ELMO1: variants seen among roughly 807,000 people sequenced by gnomAD.
ELMO1 encodes engulfment and cell motility 1.
ELMO1 carries 26 observed loss-of-function variants against 98.9 expected under a neutral mutation model. The ratio of observed to expected loss-of-function variants is 0.26; its 90% CI spans 0.19 to 0.36. The LOEUF (loss-of-function observed/expected upper bound fraction) is 0.36. Ranked by LOEUF, ELMO1 falls within the 10% of genes least tolerant of loss-of-function variation. The pLI, the probability that ELMO1 is intolerant of heterozygous loss-of-function variation, is 1.00. For synonymous variants in ELMO1, 346 were observed against 346.0 expected (o/e 1.00, Z 0.00); for missense variants, 627 against 935.2 (o/e 0.67, Z 4.30).
intron 6 of ELMO1, among the ~76,000 whole-genome samples, chr7:37,249,595 C>T (rs1795225845): frequency 6.6e-6 from 1 of 152,106 alleles, no homozygotes; most frequent in East Asian, 1.9e-4. Flanking sequence ...CGAGTATTGA[C>T]CAAGGTATTG....
At position 36,854,281 on chromosome 7, in the gene ELMO1, T is replaced by A. The variant is rs1054304133; in HGVS notation, c.*1270A>T. Reference sequence around the variant, plus strand: ...CTAGGGTGGAGCTGAAGAGCTGGCATCTCCAACAAGCTCCCAGGTGATGCT... The same window carrying A: ...CTAGGGTGGAGCTGAAGAGCTGGCAACTCCAACAAGCTCCCAGGTGATGCT... On this transcript the variant is annotated 3_prime_UTR_variant, in exon 22 of 22. Coordinates refer to ENST00000310758, the MANE Select transcript of ELMO1 (RefSeq NM_014800.11). 2 of 152,146 alleles carry A rather than the reference T, an allele frequency of 1.3e-5. No individual in the cohort carries two copies. The highest frequency in any genetic ancestry group is 2.9e-5 in the Non-Finnish European group (2 of 68,036). The allele number at this position is 152,146 out of a possible 1,614,324, so 9.4% of individuals were successfully genotyped here.
chr7:37,377,189 A>T (rs1802385520), intron 1 of ELMO1, among the ~76,000 whole-genome samples: 1 of 152,118 alleles, frequency 6.6e-6, no homozygotes, highest in South Asian at 2.1e-4. Flanking sequence ...CAAAATTCAA[A>T]ATTTGAAGTA....
intron 21 of ELMO1, among the ~76,000 whole-genome samples, chr7:36,860,300 C>T (rs925768478): frequency 6.6e-6 from 1 of 152,128 alleles, no homozygotes; most frequent in Non-Finnish European, 1.5e-5. Context: ...ACTGTGTTAA[C>T]CTTTCTATTG....
At chr7:37,126,247 G>C (rs1786506291) in intron 14 of ELMO1, among the ~76,000 whole-genome samples, 1 of 146,202 alleles carries the variant, frequency 6.8e-6, no homozygotes, top group African/African-American at 2.5e-5. Context: ...GTATACATAT[G>C]TAACAAACCT....
chr7:37,316,274 C>G (rs189521485), intron 2 of ELMO1, among the ~76,000 whole-genome samples: 31 of 152,274 alleles, frequency 2.0e-4, no homozygotes, highest in Non-Finnish European at 3.8e-4. Context: ...AAAGATCTCA[C>G]AGAAAATGGA....
chr7:36,969,205 T>G (rs929975077), intron 16 of ELMO1, among the ~76,000 whole-genome samples: 2 of 152,100 alleles, frequency 1.3e-5, no homozygotes, highest in Non-Finnish European at 2.9e-5. Flanking sequence ...CATAATACAG[T>G]TACCATGTAA....
At chr7:37,331,580 T>C (rs1483866453) in intron 2 of ELMO1, among the ~76,000 whole-genome samples, 2 of 151,936 alleles carry the variant, frequency 1.3e-5, no homozygotes, top group Non-Finnish European at 2.9e-5. Flanking sequence ...TAATCTCCTG[T>C]TTGTGTAGAT....
intron 1 of ELMO1, among the ~76,000 whole-genome samples, chr7:37,407,417 A>T (rs1360098944): frequency 2.0e-5 from 3 of 151,874 alleles, no homozygotes; most frequent in African/African-American, 7.3e-5. Context: ...CTGAGGCAGG[A>T]GAATCACTTG....
chr7:37,370,049 T>C (rs186105961), intron 1 of ELMO1, among the ~76,000 whole-genome samples: 137 of 152,238 alleles, frequency 9.0e-4, no homozygotes, highest in African/African-American at 3.0e-3. Flanking sequence ...CCAGGAAACA[T>C]TAACCACCAG....
At chr7:37,195,587 G>T (rs1008264960) in intron 13 of ELMO1, among the ~76,000 whole-genome samples, 3 of 152,230 alleles carry the variant, frequency 2.0e-5, no homozygotes, top group African/African-American at 2.4e-5. Flanking sequence ...GGGGCTCCCT[G>T]CACTGAGCAG....
At chr7:37,128,614 T>C (rs1360527830) in intron 14 of ELMO1, among the ~76,000 whole-genome samples, 1 of 152,134 alleles carries the variant, frequency 6.6e-6, no homozygotes, top group African/African-American at 2.4e-5. Flanking sequence ...AAATATAACA[T>C]GAGAAACCAG....
chr7:37,384,060 C>T (rs894250676), intron 1 of ELMO1, among the ~76,000 whole-genome samples: 9 of 152,180 alleles, frequency 5.9e-5, no homozygotes, highest in African/African-American at 2.2e-4. Context: ...CGTGATCCAC[C>T]CACCTCGGCC....
chr7:37,193,233 A>AG (rs765347369), intron 13 of ELMO1, among the ~76,000 whole-genome samples: 10 of 151,794 alleles, frequency 6.6e-5, no homozygotes, highest in Non-Finnish European at 1.2e-4. Flanking sequence ...ATTCTTGGTG[A>AG]GGGGGGAGGC....
At chr7:37,127,641 C>T (rs1241582957) in intron 14 of ELMO1, among the ~76,000 whole-genome samples, 1 of 152,186 alleles carries the variant, frequency 6.6e-6, no homozygotes, top group African/African-American at 2.4e-5. Flanking sequence ...TTGCTCTGGC[C>T]AAACGGGAAG....
At chr7:37,058,616 G>A (rs1187953663) in intron 15 of ELMO1, among the ~76,000 whole-genome samples, 1 of 152,108 alleles carries the variant, frequency 6.6e-6, no homozygotes, top group African/African-American at 2.4e-5. Flanking sequence ...CACACCTTTT[G>A]AAGGTTCTAT....
chr7:37,193,111 T>G (rs1317259815), intron 13 of ELMO1, among the ~76,000 whole-genome samples: 1 of 151,422 alleles, frequency 6.6e-6, no homozygotes, highest in African/African-American at 2.4e-5. Context: ...GGAATTTTTG[T>G]GAGGGATCTG....
chr7:36,929,915 T>C (rs527309278), intron 16 of ELMO1, among the ~76,000 whole-genome samples: 3 of 152,184 alleles, frequency 2.0e-5, no homozygotes, highest in East Asian at 3.9e-4. Flanking sequence ...TCGGGAGCAA[T>C]TGAGAAAATG....
chr7:37,030,104 C>T (rs1794796464), intron 15 of ELMO1, among the ~76,000 whole-genome samples: 3 of 152,032 alleles, frequency 2.0e-5, no homozygotes, highest in Non-Finnish European at 2.9e-5. Context: ...GGCCATCTTT[C>T]TCTCTCTCTC....
chr7:36,988,060 C>T (rs1195840383), intron 16 of ELMO1, among the ~76,000 whole-genome samples: 1 of 152,158 alleles, frequency 6.6e-6, no homozygotes, highest in Non-Finnish European at 1.5e-5. Flanking sequence ...GCCTGGCCGC[C>T]CATTGGTCTT....
Sources: allele counts gnomAD v4.1 joint callset (sites outside exome capture counted in the v4.1 genomes callset), GRCh38; gene constraint gnomAD v4.1.1; transcripts MANE v1.5; gene names NCBI Gene and HGNC (gene_info 2026-07-23, HGNC 2026-07-21).